The following GBE1 variants were observed in gnomAD, a reference collection of about 807,000 sequenced individuals.
The protein encoded by GBE1 is 1,4-alpha-glucan branching enzyme 1.
A neutral mutation model predicts 88.8 loss-of-function variants in GBE1; 70 were observed. The ratio of observed to expected loss-of-function variants is 0.79; its 90% CI spans 0.65 to 0.96. GBE1 has a LOEUF of 0.96. Ranked by LOEUF, GBE1 falls within the 40% of genes least tolerant of loss-of-function variation. The pLI, the probability that GBE1 is intolerant of heterozygous loss-of-function variation, is 0.00. For synonymous variants in GBE1, 284 were observed against 300.1 expected, an observed-to-expected ratio of 0.95 and a Z score of 0.56; for missense variants, 872 against 871.0, an observed-to-expected ratio of 1.00 and a Z score of -0.01.
intron 1 of GBE1, among the ~76,000 whole-genome samples, chr3:81,747,092 A>G (rs1455461851): frequency 1.3e-5 from 2 of 152,146 alleles, no homozygotes; most frequent in African/African-American, 4.8e-5. Flanking sequence ...TTAATGCACA[A>G]TGGATCACAG....
intron 14 of GBE1, among the ~76,000 whole-genome samples, chr3:81,509,155 T>C (rs1702691120): frequency 1.3e-5 from 2 of 152,206 alleles, no homozygotes; most frequent in South Asian, 4.1e-4. Context: ...TCCTTTATGA[T>C]CTTTATTTCT....
chr3:81,720,289 A>G (rs1262747092), intron 1 of GBE1, among the ~76,000 whole-genome samples: 1 of 151,284 alleles, frequency 6.6e-6, no homozygotes, highest in Non-Finnish European at 1.5e-5. Flanking sequence ...TATATATCAC[A>G]TTGTATAACA....
chr3:81,663,738 G>A (rs1172667541), intron 3 of GBE1, among the ~76,000 whole-genome samples: 4 of 152,172 alleles, frequency 2.6e-5, no homozygotes, highest in African/African-American at 9.6e-5. Context: ...TTCATGAGCT[G>A]TAAACATTCA....
chr3:81,687,776 A>C (rs1019884294), intron 2 of GBE1, among the ~76,000 whole-genome samples: 2 of 152,202 alleles, frequency 1.3e-5, no homozygotes, highest in Admixed American at 6.5e-5. Context: ...GGTTCAAAAG[A>C]GATGAAACGT....
intron 12 of GBE1, among the ~76,000 whole-genome samples, chr3:81,561,856 C>T (rs1703422811): frequency 6.6e-6 from 1 of 151,970 alleles, no homozygotes; most frequent in Non-Finnish European, 1.5e-5. Flanking sequence ...TTTGTGTAGC[C>T]ACCATTCCAG....
chr3:81,718,536 T>G (rs963291710), intron 1 of GBE1, among the ~76,000 whole-genome samples: 3 of 152,152 alleles, frequency 2.0e-5, no homozygotes, highest in Non-Finnish European at 4.4e-5. Flanking sequence ...ACACAGCTAG[T>G]CTGTGTGTGA....
intron 1 of GBE1, among the ~76,000 whole-genome samples, chr3:81,746,559 C>T (rs1297980310): frequency 6.6e-6 from 1 of 151,710 alleles, no homozygotes; most frequent in African/African-American, 2.4e-5. Flanking sequence ...CCACATCTGG[C>T]CAAGAAATGA....
chr3:81,620,072 G>C (rs1008122792), intron 7 of GBE1, among the ~76,000 whole-genome samples: 1 of 151,404 alleles, frequency 6.6e-6, no homozygotes, highest in African/African-American at 2.4e-5. Context: ...TAAAAATATT[G>C]CTTTCATAAA....
At position 81,589,497 on chromosome 3, in the gene GBE1, AG is replaced by A. The variant is rs1703846928; in HGVS notation, c.1236+1539del. Among the ~76,000 whole-genome samples the A allele has an allele frequency of 1.3e-5, 2 of 151,964 alleles. 1 individual carries two copies. Among genetic ancestry groups the A allele is most frequent in the African/African-American group, 4.8e-5 (2 of 41,494 alleles). ...TTTCAATTTAAGTGGAATAAATTGA[AG>A]GCACATCTTTTTTTAAAAAAAAAAA... On this transcript the variant is annotated intron_variant, in intron 9 of 15. Transcript: ENST00000429644.
chr3:81,626,993 T>C (rs1704426796), intron 7 of GBE1, among the ~76,000 whole-genome samples: 1 of 152,188 alleles, frequency 6.6e-6, no homozygotes, highest in African/African-American at 2.4e-5. Flanking sequence ...TCCTCCTTGG[T>C]GGATTATTTC....
chr3:81,499,335 A>G (rs2106810197), intron 14 of GBE1, 108 bp from the exon 15 acceptor site: 1 of 725,952 alleles, frequency 1.4e-6, no homozygotes, highest in East Asian at 2.7e-5. Context: ...GTTAAATCAT[A>G]ATTTGTGCTA....
At chr3:81,500,338 A>G (rs1287714170) in intron 14 of GBE1, among the ~76,000 whole-genome samples, 1 of 152,186 alleles carries the variant, frequency 6.6e-6, no homozygotes, top group Admixed American at 6.6e-5. Flanking sequence ...AAATGATTTC[A>G]GCCTACCAAT....
rs544556556 is a variant in GBE1 at position 81,748,043 on chromosome 3, T to C, written c.143+13332A>G. Among the ~76,000 whole-genome samples the C allele has an allele frequency of 2.6e-5, 4 of 151,930 alleles. No individual in the cohort carries two copies. In the East Asian group the frequency reaches 5.8e-4, roughly 22 times the overall value. On this transcript the variant is annotated intron_variant, in intron 1 of 15. Coordinates refer to ENST00000429644, the MANE Select transcript of GBE1 (RefSeq NM_000158.4). The stretch of plus-strand genomic sequence containing the variant: ...GTTGAAGCAGGAGAATCATTTCAAA[T>C]GGGGAGGCAGAGGTTGCAGTGAGCC...
chr3:81,534,932 G>C (rs1703054479), intron 14 of GBE1: 1 of 338,456 alleles, frequency 3.0e-6, no homozygotes, highest in Admixed American at 5.3e-5. Context: ...AGGACAGCAA[G>C]ATCCACAGCT....
At chr3:81,737,413 T>TTATATAAATATATTTTTATA (rs1706281545) in intron 1 of GBE1, among the ~76,000 whole-genome samples, 1 of 49,446 alleles carries the variant, frequency 2.0e-5, no homozygotes, top group African/African-American at 5.8e-5. Context: ...TTTTATATAT[T>TTATATAAATATATTTTTATA]TATATAAATA....
chr3:81,569,510 T>C (rs1459177166), intron 12 of GBE1, among the ~76,000 whole-genome samples: 1 of 152,212 alleles, frequency 6.6e-6, no homozygotes, highest in Non-Finnish European at 1.5e-5. Flanking sequence ...GAGCTTGACC[T>C]GTGAGTTGCT....
intron 14 of GBE1, among the ~76,000 whole-genome samples, chr3:81,534,018 T>G (rs1703042942): frequency 6.6e-6 from 1 of 151,984 alleles, no homozygotes; most frequent in African/African-American, 2.4e-5. Flanking sequence ...TCCTTATTAT[T>G]TGAGCCAGCT....
chr3:81,584,309 G>A (rs1238826475), intron 10 of GBE1, among the ~76,000 whole-genome samples: 1 of 152,046 alleles, frequency 6.6e-6, no homozygotes, highest in Non-Finnish European at 1.5e-5. Context: ...AACTCATACT[G>A]TATGGGTAGA....
intron 7 of GBE1, among the ~76,000 whole-genome samples, chr3:81,634,928 G>A (rs1177866650): frequency 6.6e-6 from 1 of 151,968 alleles, no homozygotes; most frequent in Non-Finnish European, 1.5e-5. Flanking sequence ...CATGAATGAA[G>A]GTATGACAGT....
Sources: allele counts gnomAD v4.1 joint callset (sites outside exome capture counted in the v4.1 genomes callset), GRCh38; gene constraint gnomAD v4.1.1; transcripts MANE v1.5; gene names NCBI Gene and HGNC (gene_info 2026-07-23, HGNC 2026-07-21).